The following PLCB4 variants were observed in gnomAD, a reference collection of about 807,000 sequenced individuals.
PLCB4 encodes the protein phospholipase C beta 4, also known as 1-phosphatidylinositol 4,5-bisphosphate phosphodiesterase beta-4.
PLCB4 carries 77 observed loss-of-function variants against 178.8 expected under a neutral mutation model. The observed-to-expected ratio is 0.43, with a 90% CI of 0.36 to 0.52. The LOEUF (loss-of-function observed/expected upper bound fraction) is 0.52, where lower values mean the gene tolerates loss of function less well. Ranked by LOEUF, PLCB4 falls within the 20% of genes least tolerant of loss-of-function variation. The probability of loss-of-function intolerance (pLI) is 0.00; values close to 1 mark genes in which losing one functional copy is unlikely to be tolerated. For missense variants in PLCB4, 1,024 were observed against 1,453.4 expected (o/e 0.70, Z 4.80); for synonymous variants, 496 against 490.8 (o/e 1.01, Z -0.14).
At chr20:9,374,131 G>C (rs1372690853) in intron 12 of PLCB4, among the ~76,000 whole-genome samples, 5 of 152,122 alleles carry the variant, frequency 3.3e-5, no homozygotes, top group Admixed American at 6.6e-5. Context: ...CGTTGTGAAG[G>C]TTCAGTGGCT....
chr20:9,393,454 GA>G, intron 17 of PLCB4, 133 bp from the exon 18 acceptor site: 1 of 606,788 alleles, frequency 1.6e-6, no homozygotes, highest in Non-Finnish European at 2.9e-6. Context: ...AGTGAAAACA[GA>G]AGGCTGTGCC....
At chr20:9,248,344 C>T (rs2094146283) in intron 3 of PLCB4, among the ~76,000 whole-genome samples, 1 of 152,030 alleles carries the variant, frequency 6.6e-6, no homozygotes, top group African/African-American at 2.4e-5. Flanking sequence ...AATCCTCTGA[C>T]TTTGAGGTTT....
chr20:9,209,066 G>A (rs1443024355), intron 2 of PLCB4, among the ~76,000 whole-genome samples: 1 of 152,180 alleles, frequency 6.6e-6, no homozygotes, highest in African/African-American at 2.4e-5. Context: ...GGTACTGAGT[G>A]TGTGTTTGCT....
In PLCB4 at chr20:9,414,248, A is replaced by G. The variant is rs528049509; in HGVS notation, c.2051+3160A>G. 1.4e-3 allele frequency among the ~76,000 whole-genome samples: 220 copies of G among 152,216 alleles called. 2 individuals carry two copies. Among genetic ancestry groups the G allele is most frequent in the Non-Finnish European group, 2.4e-3 (161 of 68,012 alleles). On this transcript the variant is annotated intron_variant, in intron 25 of 39. Coordinates refer to ENST00000378473, the MANE Select transcript of PLCB4 (RefSeq NM_001377142.1). The stretch of plus-strand genomic sequence containing the variant: ...TGATAAAGTATCAGCGATGCTGTTG[A>G]CTCTGTAATCTCCTAATTCCCCTTC...
intron 2 of PLCB4, among the ~76,000 whole-genome samples, chr20:9,178,945 G>A (rs904177472): frequency 6.6e-6 from 1 of 151,882 alleles, no homozygotes; most frequent in African/African-American, 2.4e-5. Context: ...GATACATTTA[G>A]GTATATCTAA....
At chr20:9,423,521 A>G (rs1279313996) in intron 27 of PLCB4, among the ~76,000 whole-genome samples, 2 of 152,194 alleles carry the variant, frequency 1.3e-5, no homozygotes, top group Non-Finnish European at 2.9e-5. Context: ...ATTTCATCTA[A>G]CATTTTTCAC....
intron 3 of PLCB4, among the ~76,000 whole-genome samples, chr20:9,266,388 C>G (rs768740198): frequency 6.6e-6 from 1 of 152,196 alleles, no homozygotes; most frequent in Non-Finnish European, 1.5e-5. Flanking sequence ...ATAATGTCAG[C>G]TTTCTCTTAC....
At chr20:9,209,624 C>A (rs921114009) in intron 2 of PLCB4, among the ~76,000 whole-genome samples, 2 of 152,056 alleles carry the variant, frequency 1.3e-5, no homozygotes, top group Non-Finnish European at 2.9e-5. Context: ...GTGTTGATGG[C>A]CTCTAGGAGC....
chr20:9,305,347 A>T (rs962708298), intron 3 of PLCB4, among the ~76,000 whole-genome samples: 1 of 152,030 alleles, frequency 6.6e-6, no homozygotes, highest in Non-Finnish European at 1.5e-5. Context: ...TCTTAAATTC[A>T]TAGCACCCAT....
intron 36 of PLCB4, among the ~76,000 whole-genome samples, chr20:9,472,375 C>T (rs1020468365): frequency 3.3e-5 from 5 of 152,150 alleles, no homozygotes; most frequent in African/African-American, 4.8e-5. Flanking sequence ...TTGAGAAGCT[C>T]TTATATTACA....
At chr20:9,441,812 G>A (rs778756306) in intron 30 of PLCB4, among the ~76,000 whole-genome samples, 6 of 152,112 alleles carry the variant, frequency 3.9e-5, no homozygotes, top group East Asian at 1.9e-4. Context: ...TGGAGCAGAC[G>A]GCATTTGCTG....
intron 30 of PLCB4, among the ~76,000 whole-genome samples, chr20:9,439,563 A>G (rs543709727): frequency 6.6e-6 from 1 of 152,322 alleles, no homozygotes; most frequent in East Asian, 1.9e-4. Context: ...GTAGAGGTAG[A>G]ACTGAAAAAC....
At chr20:9,258,344 G>A (rs1419401377) in intron 3 of PLCB4, among the ~76,000 whole-genome samples, 2 of 152,090 alleles carry the variant, frequency 1.3e-5, no homozygotes, top group African/African-American at 2.4e-5. Flanking sequence ...ACATTTTCAC[G>A]ATATTTCAGA....
chr20:9,152,034 C>G (rs2092700526), intron 2 of PLCB4, among the ~76,000 whole-genome samples: 1 of 152,086 alleles, frequency 6.6e-6, no homozygotes. Context: ...ATCTGTGGAA[C>G]TTTAAACTTG....
At chr20:9,181,321 A>G (rs1412864997) in intron 2 of PLCB4, among the ~76,000 whole-genome samples, 3 of 152,176 alleles carry the variant, frequency 2.0e-5, no homozygotes, top group Admixed American at 6.5e-5. Flanking sequence ...TGCTTGCCAT[A>G]TTGATCACTG....
At chr20:9,384,146 T>G in intron 13 of PLCB4, 55 bp from the exon 14 acceptor site, 146 of 1,279,572 alleles carry the variant, frequency 1.1e-4, no homozygotes, top group Middle Eastern at 1.9e-4. Context: ...GAATAAAACA[T>G]GAGATATGCA....
intron 2 of PLCB4, among the ~76,000 whole-genome samples, chr20:9,137,622 A>G (rs1326805776): frequency 6.6e-6 from 1 of 152,046 alleles, no homozygotes; most frequent in Non-Finnish European, 1.5e-5. Context: ...GGTGAAATGG[A>G]TCTATCCATC....
intron 2 of PLCB4, among the ~76,000 whole-genome samples, chr20:9,180,925 A>T (rs368493035): frequency 2.0e-5 from 3 of 152,334 alleles, no homozygotes; most frequent in Non-Finnish European, 1.5e-5. Flanking sequence ...TGAATTTATT[A>T]TCCCATATGG....
At chr20:9,338,351 A>G (rs1249946899) in intron 6 of PLCB4, among the ~76,000 whole-genome samples, 1 of 152,040 alleles carries the variant, frequency 6.6e-6, no homozygotes, top group African/African-American at 2.4e-5. Context: ...AATAACTACA[A>G]TCAAAACTCT....
Sources: allele counts gnomAD v4.1 joint callset (sites outside exome capture counted in the v4.1 genomes callset), GRCh38; gene constraint gnomAD v4.1.1; transcripts MANE v1.5; gene names NCBI Gene and HGNC (gene_info 2026-07-23, HGNC 2026-07-21).